SCYL3: variants seen among roughly 807,000 people sequenced by gnomAD.
SCYL3 encodes the protein protein-associating with the carboxyl-terminal domain of ezrin.
A neutral mutation model predicts 73.8 loss-of-function variants in SCYL3; 35 were observed. The ratio of observed to expected loss-of-function variants is 0.47; its 90% CI spans 0.36 to 0.63. The LOEUF (loss-of-function observed/expected upper bound fraction) is 0.63. Among genes scored for constraint, SCYL3 ranks in the 20% least tolerant of loss-of-function variants. The pLI is 0.00. For synonymous variants in SCYL3, 277 were observed against 295.2 expected (o/e 0.94, Z 0.63); for missense variants, 712 against 798.9 (o/e 0.89, Z 1.31).
At chr1:169,863,438 T>G (rs1242857256) in intron 9 of SCYL3, among the ~76,000 whole-genome samples, 1 of 152,196 alleles carries the variant, frequency 6.6e-6, no homozygotes, top group Non-Finnish European at 1.5e-5. Flanking sequence ...GACATACTGA[T>G]ATTGTTGTAG....
intron 2 of SCYL3, among the ~76,000 whole-genome samples, chr1:169,886,846 T>C (rs1661718963): frequency 6.6e-6 from 1 of 152,236 alleles, no homozygotes; most frequent in South Asian, 2.1e-4. Context: ...TATACTAGGA[T>C]TGTTGTTTTT....
chr1:169,857,522 C>A (rs953929607), intron 11 of SCYL3, among the ~76,000 whole-genome samples: 2 of 152,288 alleles, frequency 1.3e-5, no homozygotes, highest in Middle Eastern at 3.4e-3. Flanking sequence ...ATATTCATTG[C>A]AGCACTGTTT....
intron 2 of SCYL3, among the ~76,000 whole-genome samples, chr1:169,881,097 G>A (rs151037002): frequency 3.9e-5 from 6 of 152,218 alleles, no homozygotes; most frequent in Non-Finnish European, 8.8e-5. Flanking sequence ...TTATTTAATC[G>A]CTATTTAAAG....
intron 1 of SCYL3, among the ~76,000 whole-genome samples, chr1:169,892,947 T>G (rs888294324): frequency 2.6e-5 from 4 of 152,212 alleles, no homozygotes; most frequent in African/African-American, 9.6e-5. Flanking sequence ...TGCACTGTAC[T>G]GGCTGATATT....
At chr1:169,888,599 T>C in intron 2 of SCYL3, 77 bp downstream of exon 2, 3 of 1,218,282 alleles carry the variant, frequency 2.5e-6, no homozygotes, top group Non-Finnish European at 3.5e-6. Context: ...CTTTGAACTT[T>C]ACTAATTTCA....
intron 1 of SCYL3, among the ~76,000 whole-genome samples, chr1:169,893,281 G>C (rs1272542672): frequency 6.6e-6 from 1 of 152,174 alleles, no homozygotes; most frequent in Non-Finnish European, 1.5e-5. Flanking sequence ...TGGGCCTTGG[G>C]GGACGGGCAC....
chr1:169,887,735 C>A (rs1661786470), intron 2 of SCYL3, among the ~76,000 whole-genome samples: 1 of 152,136 alleles, frequency 6.6e-6, no homozygotes, highest in African/African-American at 2.4e-5. Context: ...CCATCTTTTT[C>A]TTTAGGAACC....
At chr1:169,879,061 A>C (rs1661063331) in intron 2 of SCYL3, among the ~76,000 whole-genome samples, 1 of 152,206 alleles carries the variant, frequency 6.6e-6, no homozygotes, top group Non-Finnish European at 1.5e-5. Flanking sequence ...ATTGTAGTGT[A>C]AGCCTCATAA....
rs372626051 is a variant in SCYL3 at position 169,873,685 on chromosome 1, T to C, written c.522+11A>G. On this transcript the variant is annotated intron_variant, in intron 5 of 12. Transcript: ENST00000367771. ...AGGCACCTTCATTATATGTGAAGTATATCATCTTACCATCTCTTCAGGAGG... is the reference window on the plus strand; with the variant it reads ...AGGCACCTTCATTATATGTGAAGTACATCATCTTACCATCTCTTCAGGAGG... 5.1e-6 allele frequency: 8 copies of C among 1,580,370 alleles called. No homozygotes were observed. Among genetic ancestry groups the C allele is most frequent in the East Asian group, 2.2e-5 (1 of 44,618 alleles).
At position 169,850,993 on chromosome 1, in the gene SCYL3, TTTTTTTTTTTTTTA is replaced by T. The variant is rs1558102659; in HGVS notation, c.*2706_*2719del. The T allele has an allele frequency of 1.8e-5, 1 of 54,182 alleles. No homozygotes were observed. The highest frequency in any genetic ancestry group is 3.9e-5 in the Non-Finnish European group (1 of 25,512). 3.4% of individuals were successfully genotyped at this position (54,182 alleles called of 1,614,324 possible). A position where few individuals can be genotyped will look rare whatever the true frequency, so the allele number is the denominator to read the frequency against. On this transcript the variant is annotated 3_prime_UTR_variant, in exon 13 of 13. Transcript: ENST00000367771. ...ATTTAGGCATGGCTTTTTTTTTTTT[TTTTTTTTTTTTTTA>T]TTTGGGCAGCCTCCCAAGCCAGGGT...
intron 10 of SCYL3, among the ~76,000 whole-genome samples, chr1:169,859,532 C>A (rs991402674): frequency 6.6e-5 from 10 of 152,212 alleles, no homozygotes; most frequent in African/African-American, 2.4e-4. Flanking sequence ...ACTCACATCA[C>A]AGAACTGTAA....
At chr1:169,883,281 G>C (rs555172371) in intron 2 of SCYL3, among the ~76,000 whole-genome samples, 1 of 152,296 alleles carries the variant, frequency 6.6e-6, no homozygotes, top group African/African-American at 2.4e-5. Context: ...ACAGAACTCA[G>C]ATGGTAATGC....
At chr1:169,893,414 G>C (rs1662222459) in intron 1 of SCYL3, among the ~76,000 whole-genome samples, 1 of 152,002 alleles carries the variant, frequency 6.6e-6, no homozygotes, top group African/African-American at 2.4e-5. Context: ...CGCCCTGCTT[G>C]CCGCGACCCC....
rs779869723 is a variant in SCYL3, at chr1:169,854,284, CT to C, written c.1992del (p.Ala665GlnfsTer17). The C allele has an allele frequency of 6.2e-6, 10 of 1,604,054 alleles. No homozygotes were observed. Among genetic ancestry groups the C allele is most frequent in the Non-Finnish European group, 1.7e-6 (2 of 1,176,386 alleles). On this transcript the variant is annotated frameshift_variant, in exon 12 of 13. Coordinates refer to ENST00000367771, the MANE Select transcript of SCYL3 (RefSeq NM_020423.7). LOFTEE classifies it high-confidence loss of function. Reference protein sequence around the residue: ...PVMQFSSKFAAAEITEGEAEG... With the variant: ...PVMQFSSKFAXAEITEGEAEG... ...AAAGTACTCACCTCAGTAATTTCTG[CT>C]GCAGCAAATTTTGAGGAAAACTGCA...
intron 11 of SCYL3, among the ~76,000 whole-genome samples, chr1:169,857,310 TC>T (rs1263800679): frequency 6.6e-6 from 1 of 152,254 alleles, no homozygotes; most frequent in African/African-American, 2.4e-5. Flanking sequence ...CTGCGGATGC[TC>T]AAGTCTCTTA....
chr1:169,874,710 G>A (rs1015731294), intron 4 of SCYL3, among the ~76,000 whole-genome samples: 2 of 152,174 alleles, frequency 1.3e-5, no homozygotes, highest in Admixed American at 6.5e-5. Flanking sequence ...CAGATAACCT[G>A]AGGTCAGGAA....
intron 11 of SCYL3, among the ~76,000 whole-genome samples, chr1:169,857,863 T>A (rs1274144255): frequency 6.6e-6 from 1 of 152,208 alleles, no homozygotes; most frequent in Admixed American, 6.5e-5. Flanking sequence ...TACAGCATGT[T>A]ACTGTACTGA....
chr1:169,859,256 A>G, intron 10 of SCYL3, 44 bp from the exon 11 acceptor site: 1 of 1,552,180 alleles, frequency 6.4e-7, no homozygotes, highest in Non-Finnish European at 8.7e-7. Context: ...CACAATACCT[A>G]TCTCTTTCTT....
chr1:169,849,748 T>C lies in SCYL3; in HGVS notation c.*3965A>G, dbSNP rs1015353387. 1.6e-6 allele frequency: 1 copy of C among 629,572 alleles called. No individual in the cohort carries two copies. The allele number at this position is 629,572 out of a possible 1,614,324, so 39.0% of individuals were successfully genotyped here. On this transcript the variant is annotated 3_prime_UTR_variant, in exon 13 of 13. Transcript: ENST00000367771. Reference sequence around the variant, plus strand: ...GAAGGGTACATTACTCGTTATCTCTTTTACAGCTTCTCAAAATGAGGCTTA... The same window carrying C: ...GAAGGGTACATTACTCGTTATCTCTCTTACAGCTTCTCAAAATGAGGCTTA...
Sources: allele counts gnomAD v4.1 joint callset (sites outside exome capture counted in the v4.1 genomes callset), GRCh38; gene constraint gnomAD v4.1.1; transcripts MANE v1.5; gene names NCBI Gene and HGNC (gene_info 2026-07-23, HGNC 2026-07-21).